Variants in CDH23 observed in about 807,000 individuals in gnomAD.
CDH23 encodes cadherin related 23, also known as cadherin-23.
In CDH23, 189 loss-of-function variants were observed where a neutral mutation model predicts 317.1. That is an observed-to-expected ratio of 0.60 (90% CI 0.53 to 0.67). CDH23 has a LOEUF of 0.67. CDH23 is among the 30% of genes least tolerant of loss of function. The pLI is 0.00. For synonymous variants in CDH23, 1,839 were observed against 1,876.8 expected (o/e 0.98, Z 0.52); for missense variants, 4,401 against 4,592.4 (o/e 0.96, Z 1.20).
rs2132864494 is a variant in CDH23, at chr10:71,751,576, T to A, written c.4845+9655T>A. 7.0e-7 allele frequency: 1 copy of A among 1,425,752 alleles called. No homozygotes were observed. Among genetic ancestry groups the A allele is most frequent in the South Asian group, 1.4e-5 (1 of 69,384 alleles). The allele number at this position is 1,425,752 out of a possible 1,614,324, so 88.3% of individuals were successfully genotyped here. ...CCACCCCGTGAGGCCGTGGAACTCT[T>A]CAGGGAGGGCAGGGAGTGAGGCCGA... On this transcript the variant is annotated intron_variant, in intron 38 of 69. Coordinates refer to ENST00000224721, the MANE Select transcript of CDH23 (RefSeq NM_022124.6). The surrounding 1 kb of genome is among the most constrained non-coding windows in gnomAD (Gnocchi z 4.9).
rs1865347991 is a variant in CDH23 at position 71,695,447 on chromosome 10, C to A, written c.2319C>A (p.Asp773Glu). The part of the protein sequence containing the change: ...TVNITLLDIN[D>E]NHPTWKDAPY... ...ACATCACCCTCCTGGACATCAATGA[C>A]AACCACCCCACGTGGAAGGACGCAC... The change falls in exon 22 of 70, where the codon GAC (aspartate) becomes GAA (glutamate). Residue 773 changes from aspartate to glutamate, a missense_variant. Physicochemically the swap from Asp to Glu is conservative, Grantham distance 45 (BLOSUM62 2). Transcript: ENST00000224721. 1 of 1,613,540 alleles carries A rather than the reference C, an allele frequency of 6.2e-7. No individual in the cohort carries two copies. Among genetic ancestry groups the A allele is most frequent in the Non-Finnish European group, 8.5e-7 (1 of 1,179,444 alleles).
At chr10:71,583,537 A>G (rs1168424263) in intron 9 of CDH23, among the ~76,000 whole-genome samples, 3 of 152,158 alleles carry the variant, frequency 2.0e-5, no homozygotes, top group African/African-American at 4.8e-5. Context: ...AGGCCACATT[A>G]GGAGACAGAG....
intron 29 of CDH23, among the ~76,000 whole-genome samples, chr10:71,724,956 G>C (rs555822102): frequency 1.2e-3 from 178 of 152,336 alleles, no homozygotes; most frequent in African/African-American, 4.0e-3. Flanking sequence ...CTAAATCCTG[G>C]ATTCAACCAC....
chr10:71,723,749 C>T (rs1034464754), intron 28 of CDH23, among the ~76,000 whole-genome samples: 12 of 152,198 alleles, frequency 7.9e-5, no homozygotes, highest in Admixed American at 2.0e-4. Flanking sequence ...CTGGACCCAG[C>T]GAGCTGCAGT....
At chr10:71,661,534 T>C (rs573796392) in intron 14 of CDH23, among the ~76,000 whole-genome samples, 12 of 152,134 alleles carry the variant, frequency 7.9e-5, no homozygotes, top group Admixed American at 2.6e-4. Flanking sequence ...CAGAGTGTTT[T>C]GGATTCCTTG....
intron 3 of CDH23, among the ~76,000 whole-genome samples, chr10:71,483,074 C>A (rs539359879): frequency 6.6e-6 from 1 of 152,174 alleles, no homozygotes; most frequent in East Asian, 1.9e-4. Context: ...CCCGTCCTGG[C>A]GGATGGAGGC....
In CDH23 at chr10:71,681,828, A is replaced by C. The variant is rs189544032; in HGVS notation, c.1859-617A>C. On this transcript the variant is annotated intron_variant, in intron 17 of 69. Transcript: ENST00000224721. ...AGGAGAAGGGAGGGAAGAAGATTAG[A>C]GAAATAGGGCTAGAGACCGAGGAGG... 1.1e-4 allele frequency among the ~76,000 whole-genome samples: 16 copies of C among 152,348 alleles called. No individual in the cohort carries two copies. In the East Asian group the frequency reaches 3.1e-3, roughly 29 times the overall value.
At chr10:71,475,980 G>A (rs1323949225) in intron 3 of CDH23, among the ~76,000 whole-genome samples, 1 of 152,242 alleles carries the variant, frequency 6.6e-6, no homozygotes, top group Non-Finnish European at 1.5e-5. Context: ...AAGCAAGGGG[G>A]TGGCTGAGAT....
In CDH23 at chr10:71,801,402, C is replaced by T. The variant is rs184309863; in HGVS notation, c.7482+647C>T. On this transcript the variant is annotated intron_variant, in intron 53 of 69. Coordinates refer to ENST00000224721, the MANE Select transcript of CDH23 (RefSeq NM_022124.6). ...CTCCCGACCTCAGGTGATTCGCCCA[C>T]CTCGGCCTCCCAAAGTGCTGGGATT... Among the ~76,000 whole-genome samples the T allele has an allele frequency of 5.7e-3, 870 of 152,164 alleles. 5 individuals carry two copies. The highest frequency in any genetic ancestry group is 0.02 in the African/African-American group (814 of 41,518).
intron 47 of CDH23, among the ~76,000 whole-genome samples, chr10:71,792,628 C>T (rs1328166040): frequency 7.7e-6 from 1 of 129,486 alleles, no homozygotes; most frequent in African/African-American, 3.1e-5. Context: ...AGTTCCAGAC[C>T]AGCCTGACAT....
chr10:71,775,444 C>G (rs1840796348), intron 38 of CDH23, among the ~76,000 whole-genome samples: 1 of 152,188 alleles, frequency 6.6e-6, no homozygotes, highest in Non-Finnish European at 1.5e-5. Context: ...AGTTCCCTCC[C>G]CCCTTTTCAC....
chr10:71,770,007 CTG>C (rs1280097800), intron 38 of CDH23, among the ~76,000 whole-genome samples: 1 of 152,230 alleles, frequency 6.6e-6, no homozygotes, highest in Non-Finnish European at 1.5e-5. Flanking sequence ...GCATTTCAGA[CTG>C]TGAGGGCCTA....
intron 3 of CDH23, among the ~76,000 whole-genome samples, chr10:71,502,940 T>A (rs1853419094): frequency 6.6e-6 from 1 of 152,176 alleles, no homozygotes; most frequent in Non-Finnish European, 1.5e-5. Flanking sequence ...GGCCCGCCCC[T>A]CATCTAGCAG....
chr10:71,762,296 G>A (rs1020803731), intron 38 of CDH23, among the ~76,000 whole-genome samples: 7 of 152,242 alleles, frequency 4.6e-5, no homozygotes, highest in Non-Finnish European at 7.3e-5. Context: ...TGATGCAGTC[G>A]GGTGTGTCCC....
chr10:71,445,019 G>A (rs1850088189), intron 2 of CDH23, among the ~76,000 whole-genome samples: 1 of 152,156 alleles, frequency 6.6e-6, no homozygotes, highest in South Asian at 2.1e-4. Flanking sequence ...AACTTCATGT[G>A]GGGGCTCCTC....
chr10:71,426,256 G>A (rs1209979695), intron 1 of CDH23, among the ~76,000 whole-genome samples: 1 of 152,222 alleles, frequency 6.6e-6, no homozygotes, highest in African/African-American at 2.4e-5. Context: ...GAAGAGCAGA[G>A]TTGAAAATGC....
intron 1 of CDH23, among the ~76,000 whole-genome samples, chr10:71,432,245 T>C (rs942097353): frequency 2.0e-5 from 3 of 149,926 alleles, no homozygotes; most frequent in East Asian, 1.9e-4. Context: ...TGTGTGTGTG[T>C]GCATGTGTTT....
chr10:71,415,667 T>C (rs1848503464), intron 1 of CDH23, among the ~76,000 whole-genome samples: 1 of 152,214 alleles, frequency 6.6e-6, no homozygotes, highest in Non-Finnish European at 1.5e-5. Flanking sequence ...TAAGCACAGC[T>C]ATTAGTATGT....
At chr10:71,549,113 A>T (rs1293742905) in intron 6 of CDH23, among the ~76,000 whole-genome samples, 1 of 152,258 alleles carries the variant, frequency 6.6e-6, no homozygotes, top group Non-Finnish European at 1.5e-5. Flanking sequence ...ACTACTGATC[A>T]GCCAGGATCT....
Sources: gnomAD v4.1 joint callset for allele counts (sites outside exome capture counted in the v4.1 genomes callset) on GRCh38, gnomAD v4.1.1 for gene constraint, Gnocchi (gnomAD v3.1) non-coding constraint, MANE v1.5 for transcripts, NCBI Gene and HGNC (gene_info 2026-07-23, HGNC 2026-07-21) for gene names.